CNOT6L: variants seen among roughly 807,000 people sequenced by gnomAD.
The protein encoded by CNOT6L is CCR4-NOT transcription complex subunit 6 like, also known as CCR4-NOT transcription complex subunit 6-like.
Under a neutral mutation model 64.0 loss-of-function variants are expected in CNOT6L, and 7 were observed. That is an observed-to-expected ratio of 0.11 (90% confidence interval 0.06 to 0.21). The LOEUF (loss-of-function observed/expected upper bound fraction) is 0.21. Among genes scored for constraint, CNOT6L ranks in the 10% least tolerant of loss-of-function variants. The pLI, the probability that CNOT6L is intolerant of heterozygous loss-of-function variation, is 1.00. For missense variants in CNOT6L, 245 were observed against 669.0 expected, an observed-to-expected ratio of 0.37 and a Z score of 6.99; for synonymous variants, 193 against 243.4, an observed-to-expected ratio of 0.79 and a Z score of 1.93.
chr4:77,747,221 G>A (rs1481219351), intron 6 of CNOT6L, among the ~76,000 whole-genome samples: 1 of 152,058 alleles, frequency 6.6e-6, no homozygotes, highest in Non-Finnish European at 1.5e-5. Context: ...GGAGTGCAAT[G>A]GCAAAATCTT....
chr4:77,803,178 G>A (rs982154314), intron 1 of CNOT6L, among the ~76,000 whole-genome samples: 2 of 151,716 alleles, frequency 1.3e-5, no homozygotes, highest in African/African-American at 4.8e-5. Context: ...TAAAGGTCAT[G>A]ATCAGGCAAA....
intron 4 of CNOT6L, among the ~76,000 whole-genome samples, chr4:77,772,234 A>T (rs564709728): frequency 3.3e-5 from 5 of 152,266 alleles, no homozygotes; most frequent in Non-Finnish European, 5.9e-5. Flanking sequence ...AGGTAAAGTA[A>T]TCCCTTTTTT....
chr4:77,762,938 T>C (rs1173382236), intron 4 of CNOT6L, among the ~76,000 whole-genome samples: 5 of 152,170 alleles, frequency 3.3e-5, no homozygotes, highest in East Asian at 1.9e-4. Flanking sequence ...TTTCACTATG[T>C]ATAAATAGCA....
intron 5 of CNOT6L, among the ~76,000 whole-genome samples, chr4:77,751,026 C>A (rs192967019): frequency 6.6e-6 from 1 of 152,306 alleles, no homozygotes; most frequent in African/African-American, 2.4e-5. Context: ...TACCAAGAAC[C>A]AGGAAAATCA....
At chr4:77,743,744 G>A (rs1196982554) in intron 7 of CNOT6L, among the ~76,000 whole-genome samples, 2 of 151,774 alleles carry the variant, frequency 1.3e-5, no homozygotes, top group Non-Finnish European at 2.9e-5. Flanking sequence ...TGGGATGACA[G>A]GTGCACGCCA....
At chr4:77,721,089 C>A (rs1206904379) in intron 11 of CNOT6L, among the ~76,000 whole-genome samples, 1 of 152,158 alleles carries the variant, frequency 6.6e-6, no homozygotes, top group Non-Finnish European at 1.5e-5. Context: ...TCCAAACACA[C>A]CTGACTGAAG....
intron 1 of CNOT6L, among the ~76,000 whole-genome samples, chr4:77,779,058 A>C (rs1230959277): frequency 4.1e-5 from 4 of 96,396 alleles, no homozygotes; most frequent in South Asian, 3.2e-4. Context: ...AAAAAAAAAA[A>C]AAAACAAAAA....
At chr4:77,751,694 T>C (rs1454884716) in intron 5 of CNOT6L, among the ~76,000 whole-genome samples, 1 of 152,228 alleles carries the variant, frequency 6.6e-6, no homozygotes, top group Non-Finnish European at 1.5e-5. Flanking sequence ...TGACACTAGA[T>C]TTCTTTTAAG....
intron 1 of CNOT6L, among the ~76,000 whole-genome samples, chr4:77,810,760 T>C (rs1560440520): frequency 6.6e-6 from 1 of 152,158 alleles, no homozygotes; most frequent in Non-Finnish European, 1.5e-5. Flanking sequence ...AGCTATAATT[T>C]TGTACCCTTT....
At chr4:77,797,262 C>G (rs766963206) in intron 1 of CNOT6L, among the ~76,000 whole-genome samples, 1 of 152,000 alleles carries the variant, frequency 6.6e-6, no homozygotes, top group South Asian at 2.1e-4. Flanking sequence ...CAGTAGCCCC[C>G]CATCTCTGTC....
chr4:77,755,936 A>C (rs1482808083), intron 5 of CNOT6L, among the ~76,000 whole-genome samples: 2 of 152,088 alleles, frequency 1.3e-5, no homozygotes, highest in South Asian at 2.1e-4. Flanking sequence ...AAAAAAAAAA[A>C]AAAGTTTTAA....
At chr4:77,758,401 G>T (rs1443676051) in intron 4 of CNOT6L, among the ~76,000 whole-genome samples, 1 of 152,122 alleles carries the variant, frequency 6.6e-6, no homozygotes, top group African/African-American at 2.4e-5. Context: ...GTCACTGAGA[G>T]TCACAAAGAT....
chr4:77,804,713 A>C (rs1315465273), intron 1 of CNOT6L, among the ~76,000 whole-genome samples: 2 of 151,820 alleles, frequency 1.3e-5, no homozygotes, highest in African/African-American at 4.9e-5. Flanking sequence ...ATGTACTAAA[A>C]CCACTAAAAT....
chr4:77,803,634 T>C (rs1277622570), intron 1 of CNOT6L, among the ~76,000 whole-genome samples: 1 of 152,050 alleles, frequency 6.6e-6, no homozygotes, highest in Non-Finnish European at 1.5e-5. Context: ...GCAGGTGCGG[T>C]TGCTCATGCC....
chr4:77,720,766 G>A lies in CNOT6L; in HGVS notation c.1456-123C>T, dbSNP rs577074179. On this transcript the variant is annotated intron_variant, in intron 11 of 11. Transcript: ENST00000504123. ...CTGGTACCTGTTGTCTTGATAGTGG[G>A]TCAAATAAGGCTCAAATATTCAATG... 13 of 870,830 alleles carry A rather than the reference G, an allele frequency of 1.5e-5. No individual in the cohort carries two copies. In the African/African-American group the frequency reaches 2.2e-4, roughly 15 times the overall value. 53.9% of individuals were successfully genotyped at this position (870,830 alleles called of 1,614,324 possible).
rs57349167 is a variant in CNOT6L at position 77,798,114 on chromosome 4, C to T, written c.5+21190G>A. ...GCCAAGGAAGGAGAAGCACTTGAGA[C>T]CAGGAGTTCAAGACCAGCCTGGGCA... On this transcript the variant is annotated intron_variant, in intron 1 of 11. Coordinates refer to ENST00000504123, the MANE Select transcript of CNOT6L (RefSeq NM_144571.3). Among the ~76,000 whole-genome samples the T allele has an allele frequency of 5.3e-3, 804 of 152,200 alleles. 7 individuals carry two copies. The highest frequency in any genetic ancestry group is 0.018 in the African/African-American group (757 of 41,514).
intron 4 of CNOT6L, among the ~76,000 whole-genome samples, chr4:77,769,233 C>A (rs1426491357): frequency 6.6e-6 from 1 of 152,114 alleles, no homozygotes; most frequent in Non-Finnish European, 1.5e-5. Context: ...GCATACATAA[C>A]CCCAATATCT....
chr4:77,798,401 C>A (rs1731123231), intron 1 of CNOT6L, among the ~76,000 whole-genome samples: 1 of 151,980 alleles, frequency 6.6e-6, no homozygotes, highest in African/African-American at 2.4e-5. Context: ...GAATGTATAT[C>A]CAACATAAAG....
At chr4:77,763,347 A>G (rs1560408527) in intron 4 of CNOT6L, among the ~76,000 whole-genome samples, 1 of 152,114 alleles carries the variant, frequency 6.6e-6, no homozygotes, top group Non-Finnish European at 1.5e-5. Context: ...ACATTAACCA[A>G]AAGAAAATTG....
Sources: allele counts gnomAD v4.1 joint callset (sites outside exome capture counted in the v4.1 genomes callset), GRCh38; gene constraint gnomAD v4.1.1; transcripts MANE v1.5; gene names NCBI Gene and HGNC (gene_info 2026-07-23, HGNC 2026-07-21).